The following FGF13 variants were observed in gnomAD, a reference collection of about 807,000 sequenced individuals.
FGF13 encodes the protein fibroblast growth factor 13, also known as fibroblast growth factor homologous factor 2.
In FGF13, 2 loss-of-function variants were observed where a neutral mutation model predicts 19.5. The observed-to-expected ratio is 0.10, with a 90% CI of 0.04 to 0.32. The LOEUF (loss-of-function observed/expected upper bound fraction) is 0.32, where lower values mean the gene tolerates loss of function less well. Ranked by LOEUF, FGF13 falls within the 10% of genes least tolerant of loss-of-function variation. The pLI is 1.00. For synonymous variants in FGF13, 72 were observed against 76.9 expected (o/e 0.94, Z 0.33); for missense variants, 113 against 192.7 (o/e 0.59, Z 2.45).
chrX:138,892,895 C>T (rs2091484724), intron 1 of FGF13, among the ~76,000 whole-genome samples: 2 of 104,272 alleles, frequency 1.9e-5, no homozygotes, highest in Non-Finnish European at 3.9e-5. Context: ...ATGCACCCAT[C>T]CAATATTTAG....
At chrX:138,821,535 A>C (rs1461556128) in intron 3 of FGF13, among the ~76,000 whole-genome samples, 1 of 111,819 alleles carries the variant, frequency 8.9e-6, no homozygotes, top group Middle Eastern at 4.2e-3. Context: ...TCTATACAAG[A>C]TTTTGAAGAC....
At chrX:138,801,477 C>T (rs746979327) in intron 3 of FGF13, among the ~76,000 whole-genome samples, 15 of 111,512 alleles carry the variant, frequency 1.3e-4, no homozygotes, top group Admixed American at 3.8e-4. Flanking sequence ...GAGGGGCACC[C>T]GCCTGATGCT....
At chrX:139,041,253 G>A (rs1350746552) in intron 1 of FGF13, among the ~76,000 whole-genome samples, 1 of 110,882 alleles carries the variant, frequency 9.0e-6, no homozygotes, top group African/African-American at 3.3e-5. Context: ...GAAAATAGAA[G>A]CTTAGACAAC....
chrX:138,895,791 CAT>C (rs1415187769), intron 1 of FGF13, among the ~76,000 whole-genome samples: 2 of 111,831 alleles, frequency 1.8e-5, no homozygotes, highest in Admixed American at 1.9e-4. Context: ...GAAAATGTGA[CAT>C]ATATACACAG....
At chrX:138,821,714 G>A (rs1050321401) in intron 3 of FGF13, among the ~76,000 whole-genome samples, 3 of 111,428 alleles carry the variant, frequency 2.7e-5, no homozygotes, top group Non-Finnish European at 5.7e-5. Context: ...TTACACATGT[G>A]GCTTACATTA....
In FGF13 at chrX:138,978,266, G is replaced by GTTTTTTTTTTTTTTTTTTTTT. The variant is rs10666140; in HGVS notation, c.-112-113617_-112-113616insAAAAAAAAAAAAAAAAAAAAA. Among the ~76,000 whole-genome samples the GTTTTTTTTTTTTTTTTTTTTT allele has an allele frequency of 3.1e-4, 26 of 82,887 alleles. 1 individual carries two copies. Among genetic ancestry groups the GTTTTTTTTTTTTTTTTTTTTT allele is most frequent in the African/African-American group, 1.1e-3 (22 of 20,398 alleles). 72.0% of individuals were successfully genotyped at this position (82,887 alleles called of 115,157 possible). A position where few individuals can be genotyped will look rare whatever the true frequency, so the allele number is the denominator to read the frequency against. On this transcript the variant is annotated intron_variant, in intron 1 of 2. Transcript: ENST00000421460. ...TAATCTCTATGGGCTAGCTGCCCTG[G>GTTTTTTTTTTTTTTTTTTTTT]TTTTTTTTTTTTTTGAGATGGAGTC...
intron 1 of FGF13, among the ~76,000 whole-genome samples, chrX:139,076,421 G>C (rs1603184956): frequency 9.0e-6 from 1 of 111,007 alleles, no homozygotes; most frequent in African/African-American, 3.3e-5. Flanking sequence ...TCTGGTTTTC[G>C]CATTCACCAG....
chrX:138,940,367 C>T (rs1237214282), intron 1 of FGF13, among the ~76,000 whole-genome samples: 3 of 111,653 alleles, frequency 2.7e-5, no homozygotes, highest in African/African-American at 9.8e-5. Flanking sequence ...ATAATTTCTC[C>T]CACTCTGTTG....
intron 3 of FGF13, among the ~76,000 whole-genome samples, chrX:138,812,441 G>C (rs1379358966): frequency 9.0e-6 from 1 of 110,801 alleles, no homozygotes; most frequent in Non-Finnish European, 1.9e-5. Flanking sequence ...TTTGGTTTTT[G>C]GTTCATCATC....
At position 138,703,102 on chromosome X, in the gene FGF13, GA is replaced by G. The variant is rs1569368823; in HGVS notation, c.299-16del. On this transcript the variant is annotated splice_polypyrimidine_tract_variant and intron_variant, in intron 2 of 4. Transcript: ENST00000315930. ...GTTAAACAGAGCTGAAATTAAAAAA[GA>G]AAATGAAAACAGTGTTACAATTCTG... The G allele has an allele frequency of 8.9e-7, 1 of 1,124,034 alleles. No homozygotes were observed. The highest frequency in any genetic ancestry group is 1.2e-6 in the Non-Finnish European group (1 of 816,146). 92.6% of individuals were successfully genotyped at this position (1,124,034 alleles called of 1,213,427 possible). A position where few individuals can be genotyped will look rare whatever the true frequency, so the allele number is the denominator to read the frequency against.
intron 1 of FGF13, among the ~76,000 whole-genome samples, chrX:138,958,165 T>C (rs1390643694): frequency 8.9e-6 from 1 of 111,945 alleles, no homozygotes; most frequent in African/African-American, 3.3e-5. Flanking sequence ...TGTGGGTTTG[T>C]CATAAATAGC....
intron 1 of FGF13, among the ~76,000 whole-genome samples, chrX:139,029,872 T>A (rs1361404071): frequency 3.6e-5 from 4 of 112,021 alleles, no homozygotes; most frequent in Non-Finnish European, 7.5e-5. Context: ...AACCAGTTAG[T>A]TCAATAGTCA....
At chrX:139,037,452 T>C (rs1323819067) in intron 1 of FGF13, among the ~76,000 whole-genome samples, 1 of 111,681 alleles carries the variant, frequency 9.0e-6, no homozygotes. Context: ...ATAAATTTAG[T>C]ATCTGAAAAC....
chrX:138,779,824 A>G (rs2090623515), intron 3 of FGF13, among the ~76,000 whole-genome samples: 1 of 105,745 alleles, frequency 9.5e-6, no homozygotes, highest in Admixed American at 1.0e-4. Flanking sequence ...CGCCACAAAG[A>G]TACTCCCCGA....
chrX:138,834,030 C>G (rs2091093435), intron 3 of FGF13, among the ~76,000 whole-genome samples: 1 of 111,701 alleles, frequency 9.0e-6, no homozygotes, highest in Non-Finnish European at 1.9e-5. Context: ...GGTGGATTAA[C>G]TTTTTGATGT....
chrX:139,108,468 T>C (rs1028899157), intron 1 of FGF13, among the ~76,000 whole-genome samples: 1 of 111,048 alleles, frequency 9.0e-6, no homozygotes, highest in Admixed American at 9.6e-5. Flanking sequence ...ATTAAGACCA[T>C]GGTCAACATT....
rs754409305 is a variant in FGF13, at chrX:138,687,715, C to CA, written c.402+15268dup. 2.7e-5 allele frequency among the ~76,000 whole-genome samples: 3 copies of CA among 111,957 alleles called. No homozygotes were observed. The South Asian group carries it at 1.1e-3, about 42-fold the overall frequency. On this transcript the variant is annotated intron_variant, in intron 3 of 4. Transcript: ENST00000315930. ...ATCTGCATTCTCATGTTTACTGCAG[C>CA]ACTATTCACAATAGCCGTGATATGG...
At chrX:139,008,522 G>A (rs771370470) in intron 1 of FGF13, among the ~76,000 whole-genome samples, 22 of 112,074 alleles carry the variant, frequency 2.0e-4, no homozygotes, top group Middle Eastern at 4.6e-3. Flanking sequence ...ATCACATCAC[G>A]GGACTCTTTG....
upstream of FGF13, chrX:139,204,226 C>G (rs1305534271): frequency 5.9e-6 from 4 of 674,124 alleles, no homozygotes; most frequent in Non-Finnish European, 7.0e-6. Context: ...CGGTGTGGTT[C>G]GGGGCGGAAT....
Sources: allele counts gnomAD v4.1 joint callset (sites outside exome capture counted in the v4.1 genomes callset), GRCh38; gene constraint gnomAD v4.1.1; transcripts MANE v1.5; gene names NCBI Gene and HGNC (gene_info 2026-07-23, HGNC 2026-07-21).